POLA1: variants seen among roughly 807,000 people sequenced by gnomAD.
POLA1 encodes the protein DNA polymerase alpha 1, catalytic subunit.
A neutral mutation model predicts 124.0 loss-of-function variants in POLA1; 15 were observed. The observed-to-expected ratio is 0.12, with a 90% confidence interval of 0.08 to 0.19. POLA1 has a LOEUF of 0.19. POLA1 is among the 10% of genes least tolerant of loss of function. The pLI is 1.00. For missense variants in POLA1, 886 were observed against 1,103.4 expected (o/e 0.80, Z 2.79); for synonymous variants, 408 against 389.4 (o/e 1.05, Z -0.56).
intron 36 of POLA1, among the ~76,000 whole-genome samples, chrX:24,994,314 A>AG (rs2048573362): frequency 8.9e-6 from 1 of 112,708 alleles, no homozygotes; most frequent in Non-Finnish European, 1.9e-5. Context: ...GGTTGTGGAG[A>AG]GCAAATGCGA....
intron 26 of POLA1, among the ~76,000 whole-genome samples, chrX:24,792,355 A>G (rs1477078486): frequency 8.9e-6 from 1 of 112,235 alleles, no homozygotes; most frequent in Non-Finnish European, 1.9e-5. Context: ...TGTAATTACC[A>G]GTAATTAATT....
intron 30 of POLA1, among the ~76,000 whole-genome samples, chrX:24,816,074 A>G (rs2045985302): frequency 1.8e-5 from 2 of 112,235 alleles, no homozygotes; most frequent in African/African-American, 3.2e-5. Flanking sequence ...TTTCTATTAT[A>G]AATAACTCTA....
chrX:24,701,309 G>C (rs1928400957), intron 2 of POLA1, among the ~76,000 whole-genome samples: 1 of 111,373 alleles, frequency 9.0e-6, no homozygotes, highest in Admixed American at 9.6e-5. Flanking sequence ...AGCCTTATAG[G>C]TGTGGCAGAA....
chrX:24,798,767 T>C (rs1248799204), intron 26 of POLA1, among the ~76,000 whole-genome samples: 2 of 111,439 alleles, frequency 1.8e-5, no homozygotes, highest in Admixed American at 1.9e-4. Flanking sequence ...TTGGTGCCCC[T>C]AACCTCCGCA....
chrX:24,884,338 A>G (rs1015378237), intron 34 of POLA1, among the ~76,000 whole-genome samples: 11 of 110,844 alleles, frequency 9.9e-5, no homozygotes, highest in Non-Finnish European at 2.1e-4. Flanking sequence ...TGGTAGAGAC[A>G]GGGTTTTGCC....
chrX:24,901,076 T>C (rs1013232114), intron 35 of POLA1, among the ~76,000 whole-genome samples: 1 of 111,912 alleles, frequency 8.9e-6, no homozygotes, highest in African/African-American at 3.2e-5. Flanking sequence ...AGCAGGAATC[T>C]AAAATTAAGT....
At chrX:24,880,009 T>G (rs990437638) in intron 34 of POLA1, among the ~76,000 whole-genome samples, 1 of 111,579 alleles carries the variant, frequency 9.0e-6, no homozygotes, top group Non-Finnish European at 1.9e-5. Context: ...CAAGCTCTGA[T>G]TGCAAATTAA....
intron 35 of POLA1, among the ~76,000 whole-genome samples, chrX:24,893,672 T>C (rs1398978290): frequency 8.9e-6 from 1 of 112,373 alleles, no homozygotes; most frequent in African/African-American, 3.2e-5. Context: ...TCTGACATCT[T>C]TCACCTCGCA....
intron 35 of POLA1, among the ~76,000 whole-genome samples, chrX:24,920,753 A>G (rs1409567574): frequency 3.6e-5 from 4 of 112,111 alleles, no homozygotes; most frequent in Non-Finnish European, 5.6e-5. Context: ...GGGAGAAACC[A>G]TAATGCAAAG....
At chrX:24,748,580 A>G in intron 25 of POLA1, 120 bp downstream of exon 25, 1 of 631,113 alleles carries the variant, frequency 1.6e-6, no homozygotes, top group Non-Finnish European at 2.4e-6. Flanking sequence ...TGGATAGGTG[A>G]CCATTTAAAA....
chrX:24,798,914 G>A (rs1045514869), intron 26 of POLA1, among the ~76,000 whole-genome samples: 2 of 110,688 alleles, frequency 1.8e-5, no homozygotes, highest in African/African-American at 6.6e-5. Flanking sequence ...TTTTTAAGTG[G>A]GACCCCTCTG....
chrX:24,868,618 C>G (rs775701449), intron 34 of POLA1, among the ~76,000 whole-genome samples: 1 of 111,858 alleles, frequency 8.9e-6, no homozygotes, highest in South Asian at 3.8e-4. Context: ...TTTTTAACTT[C>G]AAGCATAATC....
intron 26 of POLA1, among the ~76,000 whole-genome samples, chrX:24,795,662 ATT>A (rs35044901): frequency 1.2e-4 from 11 of 94,048 alleles, no homozygotes; most frequent in Non-Finnish European, 4.3e-5. Flanking sequence ...AGAAAGAAAG[ATT>A]TTTTTTTTTT....
At chrX:24,715,349 T>G (rs1929750173) in intron 6 of POLA1, 146 bp downstream of exon 6, 1 of 368,284 alleles carries the variant, frequency 2.7e-6, no homozygotes, top group Non-Finnish European at 4.6e-6. Context: ...TGGTGTGCAG[T>G]GGTGCGATCT....
At chrX:24,701,563 G>A (rs1379558196) in intron 2 of POLA1, among the ~76,000 whole-genome samples, 2 of 108,193 alleles carry the variant, frequency 1.8e-5, no homozygotes, top group African/African-American at 6.8e-5. Context: ...AGCCTCCCAA[G>A]TAGCTGGGAT....
At chrX:24,901,362 A>G (rs1372719678) in intron 35 of POLA1, among the ~76,000 whole-genome samples, 1 of 111,414 alleles carries the variant, frequency 9.0e-6, no homozygotes, top group African/African-American at 3.3e-5. Context: ...AACAGCTAGT[A>G]TAAAGGGCCT....
intron 36 of POLA1, among the ~76,000 whole-genome samples, chrX:24,977,204 T>G (rs1443398810): frequency 8.9e-6 from 1 of 112,004 alleles, no homozygotes; most frequent in African/African-American, 3.2e-5. Flanking sequence ...AAACATCTCT[T>G]CCAGTAGCTT....
Position 24,694,029 on chromosome X carries a change from G to T in POLA1, c.43+25G>T, listed in dbSNP as rs1341050183. 3.5e-6 allele frequency: 4 copies of T among 1,159,217 alleles called. No individual in the cohort carries two copies. In the Admixed American group the frequency reaches 7.6e-5, roughly 22 times the overall value. ...GGTGAGGGACAATTCCGCGCGCGGG[G>T]CTCCGGGTTGGGACAGTGGCATGAT... On this transcript the variant is annotated intron_variant, in intron 1 of 36. Transcript: ENST00000379068.
intron 4 of POLA1, among the ~76,000 whole-genome samples, chrX:24,714,218 C>A (rs757236721): frequency 1.3e-4 from 14 of 111,911 alleles, no homozygotes; most frequent in Admixed American, 2.8e-4. Flanking sequence ...AGTGCAGTGG[C>A]GTGATCTTGG....
Sources: gnomAD v4.1 joint callset for allele counts (sites outside exome capture counted in the v4.1 genomes callset) on GRCh38, gnomAD v4.1.1 for gene constraint, MANE v1.5 for transcripts, NCBI Gene and HGNC (gene_info 2026-07-23, HGNC 2026-07-21) for gene names.